ZNF385B: variants seen among roughly 807,000 people sequenced by gnomAD.
The protein encoded by ZNF385B is zinc finger protein 533.
In ZNF385B, 23 loss-of-function variants were observed where a neutral mutation model predicts 39.2. That is an observed-to-expected ratio of 0.59 (90% CI 0.42 to 0.83). ZNF385B has a LOEUF of 0.83. Ranked by LOEUF, ZNF385B falls within the 40% of genes least tolerant of loss-of-function variation. The pLI, the probability that ZNF385B is intolerant of heterozygous loss-of-function variation, is 0.00. For missense variants in ZNF385B, 552 were observed against 598.9 expected (o/e 0.92, Z 0.82); for synonymous variants, 205 against 222.6 (o/e 0.92, Z 0.70).
chr2:179,745,068 A>G (rs180984622), intron 3 of ZNF385B, among the ~76,000 whole-genome samples: 12 of 152,322 alleles, frequency 7.9e-5, no homozygotes, highest in Non-Finnish European at 1.3e-4. Flanking sequence ...CTACATTTAA[A>G]GCATCTCAGC....
At chr2:179,811,784 A>C (rs11899867) in intron 1 of ZNF385B, among the ~76,000 whole-genome samples, 2,032 of 151,892 alleles carry the variant, frequency 0.013, 43 homozygotes, top group African/African-American at 0.041. Flanking sequence ...CACACACACA[A>C]AAAAAAATTG....
At chr2:179,576,114 A>T in intron 3 of ZNF385B, 1 of 984,884 alleles carries the variant, frequency 1.0e-6, no homozygotes. Flanking sequence ...ACCAGGTCTT[A>T]CATGTGTAAC....
chr2:179,798,138 A>G (rs1349747157), intron 1 of ZNF385B, among the ~76,000 whole-genome samples: 1 of 152,048 alleles, frequency 6.6e-6, no homozygotes, highest in Admixed American at 6.6e-5. Flanking sequence ...GTTTCGATCT[A>G]TTACTGATAT....
intron 1 of ZNF385B, among the ~76,000 whole-genome samples, chr2:179,847,988 C>T (rs1319233160): frequency 1.3e-5 from 2 of 152,134 alleles, no homozygotes; most frequent in East Asian, 3.9e-4. Context: ...CATGGTGGAA[C>T]ATAGCTCTAG....
intron 4 of ZNF385B, among the ~76,000 whole-genome samples, chr2:179,524,850 C>G (rs895354090): frequency 2.6e-5 from 4 of 152,098 alleles, no homozygotes; most frequent in African/African-American, 9.7e-5. Context: ...TCCCCTCTGA[C>G]AGTGACATCC....
intron 3 of ZNF385B, among the ~76,000 whole-genome samples, chr2:179,766,066 A>ACACACACACACAC (rs1559174922): frequency 2.7e-5 from 4 of 146,702 alleles, no homozygotes; most frequent in Non-Finnish European, 4.5e-5. Flanking sequence ...ACACACACAC[A>ACACACACACACAC]GCAGACTGGT....
intron 3 of ZNF385B, among the ~76,000 whole-genome samples, chr2:179,696,326 C>CTTTTTTTTGTTTT (rs1698746889): frequency 2.5e-5 from 1 of 40,354 alleles, no homozygotes; most frequent in African/African-American, 1.0e-4. Context: ...CAAACTGGGA[C>CTTTTTTTTGTTTT]TTTTTTTTTT....
At chr2:179,790,996 T>G (rs1705291464) in intron 1 of ZNF385B, among the ~76,000 whole-genome samples, 1 of 152,216 alleles carries the variant, frequency 6.6e-6, no homozygotes, top group South Asian at 2.1e-4. Flanking sequence ...AGCTCATCCT[T>G]CACGGGGAAC....
intron 1 of ZNF385B, among the ~76,000 whole-genome samples, chr2:179,795,203 G>T (rs1428226829): frequency 6.6e-6 from 1 of 152,000 alleles, no homozygotes; most frequent in African/African-American, 2.4e-5. Context: ...GGTGCCGAAG[G>T]GATGTCAAAT....
chr2:179,753,396 G>GCT (rs1702805504), intron 3 of ZNF385B, among the ~76,000 whole-genome samples: 10 of 152,130 alleles, frequency 6.6e-5, no homozygotes, highest in African/African-American at 2.4e-4. Flanking sequence ...TGCTCTTTTG[G>GCT]CTTAGGATTG....
chr2:179,642,423 T>A (rs1210526730), intron 3 of ZNF385B, among the ~76,000 whole-genome samples: 1 of 152,140 alleles, frequency 6.6e-6, no homozygotes, highest in Non-Finnish European at 1.5e-5. Context: ...CACTCCTTCA[T>A]CCATGTCCTC....
intron 3 of ZNF385B, among the ~76,000 whole-genome samples, chr2:179,758,010 T>C (rs944382502): frequency 1.3e-5 from 2 of 152,136 alleles, no homozygotes; most frequent in Non-Finnish European, 2.9e-5. Context: ...ATTAACCCCG[T>C]ACCTCAGTTG....
At chr2:179,706,132 T>C (rs1022730292) in intron 3 of ZNF385B, among the ~76,000 whole-genome samples, 2 of 152,208 alleles carry the variant, frequency 1.3e-5, no homozygotes, top group Non-Finnish European at 2.9e-5. Context: ...TCATTTCTTA[T>C]TTACGGGGAA....
intron 3 of ZNF385B, among the ~76,000 whole-genome samples, chr2:179,571,382 G>T (rs1207237471): frequency 6.6e-6 from 1 of 152,174 alleles, no homozygotes; most frequent in African/African-American, 2.4e-5. Flanking sequence ...CTTAAGCTAA[G>T]TCTTTTAAAG....
intron 4 of ZNF385B, among the ~76,000 whole-genome samples, chr2:179,532,937 T>C (rs1446797197): frequency 6.6e-6 from 1 of 152,138 alleles, no homozygotes; most frequent in African/African-American, 2.4e-5. Flanking sequence ...ATATGAGAGC[T>C]GAAATGGAGA....
At chr2:179,752,367 C>T (rs2106471064) in intron 3 of ZNF385B, among the ~76,000 whole-genome samples, 1 of 152,282 alleles carries the variant, frequency 6.6e-6, no homozygotes, top group Middle Eastern at 3.4e-3. Flanking sequence ...CAAGTCTTTG[C>T]TATTGTGAAT....
chr2:179,756,030 G>A (rs356414), intron 3 of ZNF385B, among the ~76,000 whole-genome samples: 127,415 of 152,036 alleles, frequency 0.84, 53,499 homozygotes, highest in East Asian at 0.99. Context: ...CCCAGCCTCA[G>A]TGGTCTTTAC....
intron 6 of ZNF385B, among the ~76,000 whole-genome samples, chr2:179,464,628 T>C (rs2051776865): frequency 6.6e-6 from 1 of 152,214 alleles, no homozygotes; most frequent in Admixed American, 6.5e-5. Context: ...TTCTTGTTTG[T>C]GTCAGGTTTG....
At chr2:179,676,077 T>G (rs1225109405) in intron 3 of ZNF385B, among the ~76,000 whole-genome samples, 2 of 145,666 alleles carry the variant, frequency 1.4e-5, no homozygotes, top group East Asian at 4.3e-4. Flanking sequence ...CATGAGCCAC[T>G]GCGCCTGGCC....
Sources: allele counts gnomAD v4.1 joint callset (sites outside exome capture counted in the v4.1 genomes callset), GRCh38; gene constraint gnomAD v4.1.1; transcripts MANE v1.5; gene names NCBI Gene and HGNC (gene_info 2026-07-23, HGNC 2026-07-21).